The following TMPRSS3 variants were observed in gnomAD, a reference collection of about 807,000 sequenced individuals.
The protein encoded by TMPRSS3 is transmembrane serine protease 3.
TMPRSS3 carries 55 observed loss-of-function variants against 59.6 expected under a neutral mutation model. The ratio of observed to expected loss-of-function variants is 0.92; its 90% confidence interval spans 0.74 to 1.16. TMPRSS3 has a LOEUF of 1.16. Ranked by LOEUF, TMPRSS3 falls within the 50% of genes most tolerant of loss-of-function variation. The pLI, the probability that TMPRSS3 is intolerant of heterozygous loss-of-function variation, is 0.00. For missense variants in TMPRSS3, 596 were observed against 579.4 expected (o/e 1.03, Z -0.29); for synonymous variants, 257 against 237.7 (o/e 1.08, Z -0.75).
intron 7 of TMPRSS3, chr21:42,383,699 A>C (rs2052575477): frequency 1.2e-5 from 8 of 665,722 alleles, no homozygotes; most frequent in Admixed American, 8.4e-5. Context: ...CAGGGACTCA[A>C]GGCTCTTCAG....
Position 42,372,637 on chromosome 21 carries a change from T to C in TMPRSS3, c.*125A>G. 1 of 960,330 alleles carries C rather than the reference T, an allele frequency of 1.0e-6. No homozygotes were observed. Among genetic ancestry groups the C allele is most frequent in the Non-Finnish European group, 1.7e-6 (1 of 583,348 alleles). 59.5% of individuals were successfully genotyped at this position (960,330 alleles called of 1,614,324 possible). ...AGGGTGCCTCTTTCGGGCCTGCTAC[T>C]GGTGCCGGAACTCAGAGCTCCAAGG... On this transcript the variant is annotated 3_prime_UTR_variant, in exon 13 of 13. Coordinates refer to ENST00000644384, the MANE Select transcript of TMPRSS3 (RefSeq NM_001256317.3).
intron 5 of TMPRSS3, among the ~76,000 whole-genome samples, chr21:42,386,568 C>T (rs1386029521): frequency 1.3e-5 from 2 of 152,216 alleles, no homozygotes; most frequent in African/African-American, 4.8e-5. Flanking sequence ...GTAACAATGA[C>T]AGCCACAACC....
chr21:42,382,302 A>G lies in TMPRSS3; in HGVS notation c.783-68T>C, dbSNP rs149691467. 991 of 1,426,070 alleles carry G rather than the reference A, an allele frequency of 6.9e-4. 12 individuals carry two copies. In the East Asian group the frequency reaches 0.021, roughly 31 times the overall value. 88.3% of individuals were successfully genotyped at this position (1,426,070 alleles called of 1,614,324 possible). On this transcript the variant is annotated intron_variant, in intron 8 of 12. Coordinates refer to ENST00000644384, the MANE Select transcript of TMPRSS3 (RefSeq NM_001256317.3). ...ACCACTGAACTCATTGACCTCAGGT[A>G]TCCTGAAAACCTAGGAAGATGGTGG...
intron 5 of TMPRSS3, among the ~76,000 whole-genome samples, chr21:42,387,803 G>A (rs917835420): frequency 1.3e-5 from 2 of 152,230 alleles, no homozygotes; most frequent in Admixed American, 1.3e-4. Context: ...AGGGGCCAGG[G>A]GAGAGAAGGA....
rs1292132859 is a variant in TMPRSS3 at position 42,382,304 on chromosome 21, C to A, written c.783-70G>T. 35 of 1,398,584 alleles carry A rather than the reference C, an allele frequency of 2.5e-5. No homozygotes were observed. In the Admixed American group the frequency reaches 6.4e-4, roughly 26 times the overall value. 86.6% of individuals were successfully genotyped at this position (1,398,584 alleles called of 1,614,324 possible). The stretch of plus-strand genomic sequence containing the variant: ...CACTGAACTCATTGACCTCAGGTAT[C>A]CTGAAAACCTAGGAAGATGGTGGGA... On this transcript the variant is annotated intron_variant, in intron 8 of 12. Coordinates refer to ENST00000644384, the MANE Select transcript of TMPRSS3 (RefSeq NM_001256317.3).
intron 10 of TMPRSS3, among the ~76,000 whole-genome samples, chr21:42,377,429 T>C (rs2052449708): frequency 6.6e-6 from 1 of 152,152 alleles, no homozygotes; most frequent in South Asian, 2.1e-4. Flanking sequence ...AGGAGACAGA[T>C]TCCCCAAGGG....
Position 42,388,536 on chromosome 21 carries a change from G to A in TMPRSS3, c.323-10C>T. 6.2e-7 allele frequency: 1 copy of A among 1,614,194 alleles called. No individual in the cohort carries two copies. Among genetic ancestry groups the A allele is most frequent in the Non-Finnish European group, 8.5e-7 (1 of 1,180,042 alleles). On this transcript the variant is annotated splice_polypyrimidine_tract_variant and intron_variant, in intron 4 of 12. Coordinates refer to ENST00000644384, the MANE Select transcript of TMPRSS3 (RefSeq NM_001256317.3). This position sits in a 1 kb window ranked among gnomAD's most constrained non-coding sequence, Gnocchi z 5.1. ...TGACCACCCACCCGGACTGGCCGAT[G>A]TGCAGAAAGAAAGGCTTATTAGTGG...
chr21:42,374,157 T>C (rs543146568), intron 12 of TMPRSS3, among the ~76,000 whole-genome samples: 66 of 152,298 alleles, frequency 4.3e-4, no homozygotes, highest in African/African-American at 1.5e-3. Flanking sequence ...CCTGGTCCTT[T>C]CTACAGTGCG....
chr21:42,375,726 T>C lies in TMPRSS3; in HGVS notation c.1334A>G (p.Glu445Gly), dbSNP rs1425901578. ...RVTSFLDWIH[E>G]QMERDLKT ...GGGCGCCGCACCCACCTCCATCTGC[T>C]CGTGGATCCAGTCCAGGAAGGAGGT... is the stretch of plus-strand genomic sequence containing the variant. Residue 445 changes from glutamate (E) to glycine (G), a missense_variant, in exon 12 of 13, where the codon GAG becomes GGG. Transcript: ENST00000644384. The C allele has an allele frequency of 6.2e-7, 1 of 1,613,756 alleles. No individual in the cohort carries two copies. The highest frequency in any genetic ancestry group is 1.7e-5 in the Admixed American group (1 of 60,022).
intron 2 of TMPRSS3, among the ~76,000 whole-genome samples, chr21:42,392,332 A>G (rs2052744287): frequency 6.6e-6 from 1 of 152,204 alleles, no homozygotes; most frequent in South Asian, 2.1e-4. Context: ...ATGCGAGGAG[A>G]AAAGAGTGTG....
At position 42,372,430 on chromosome 21, in the gene TMPRSS3, G is replaced by T; in HGVS notation, c.*332C>A. Reference sequence around the variant, plus strand: ...CAAAAATTAGTTGGGTGTGGTGGCGGGCACCTGTGGTCCCAGCTACTGGGG... The same window carrying T: ...CAAAAATTAGTTGGGTGTGGTGGCGTGCACCTGTGGTCCCAGCTACTGGGG... On this transcript the variant is annotated 3_prime_UTR_variant, in exon 13 of 13. Transcript: ENST00000644384. 2 of 520,568 alleles carry T rather than the reference G, an allele frequency of 3.8e-6. No individual in the cohort carries two copies. Among genetic ancestry groups the T allele is most frequent in the African/African-American group, 3.8e-5 (2 of 52,634 alleles). 32.2% of individuals were successfully genotyped at this position (520,568 alleles called of 1,614,324 possible). A position where few individuals can be genotyped will look rare whatever the true frequency, so the allele number is the denominator to read the frequency against.
chr21:42,381,788 A>C (rs1314888009), intron 9 of TMPRSS3: 2 of 580,008 alleles, frequency 3.4e-6, no homozygotes, highest in Middle Eastern at 4.6e-4. Context: ...ACAGGGTAAC[A>C]TTGAAAATGT....
chr21:42,379,269 C>T (rs754249874), intron 10 of TMPRSS3, among the ~76,000 whole-genome samples: 6 of 150,734 alleles, frequency 4.0e-5, no homozygotes, highest in Non-Finnish European at 8.9e-5. Context: ...CTCAAGCAAT[C>T]CTCCTGCCTT....
In TMPRSS3 at chr21:42,388,969, T is replaced by G; in HGVS notation, c.282A>C (p.Gly94=). The G allele has an allele frequency of 6.2e-7, 1 of 1,614,166 alleles. No individual in the cohort carries two copies. Among genetic ancestry groups the G allele is most frequent in the South Asian group, 1.1e-5 (1 of 91,084 alleles). ...CCTCCCCGTCTTTGCAATCCGAGAC[T>G]CCGTCACATCGAGCTATCAGCTCGA... ...KCIELIARCD[G]VSDCKDGEDE... Residue 94 remains glycine, a synonymous_variant, in exon 4 of 13, where the codon GGA becomes GGC. Transcript: ENST00000644384. This position sits in a 1 kb window ranked among gnomAD's most constrained non-coding sequence, Gnocchi z 5.1.
Position 42,385,411 on chromosome 21 carries a change from C to A in TMPRSS3, c.570G>T (p.Val190=). 6.2e-7 allele frequency: 1 copy of A among 1,614,026 alleles called. No homozygotes were observed. Among genetic ancestry groups the A allele is most frequent in the Non-Finnish European group, 8.5e-7 (1 of 1,179,976 alleles). The change falls in exon 6 of 13, where the codon GTG becomes GTT. Residue 190 remains valine (V), a splice_region_variant and synonymous_variant. Transcript: ENST00000644384. The part of the protein sequence containing the change: ...KVTALHHSVY[V]REGCASGHVV... The stretch of plus-strand genomic sequence containing the variant: ...AACAGCATCGCCTGACCACCTACCT[C>A]ACATATACTGAGTGGTGTAATGCAG...
chr21:42,376,582 G>A lies in TMPRSS3; in HGVS notation c.1150C>T (p.Leu384Phe). 6.2e-7 allele frequency: 1 copy of A among 1,613,926 alleles called. No individual in the cohort carries two copies. Among genetic ancestry groups the A allele is most frequent in the Non-Finnish European group, 8.5e-7 (1 of 1,180,032 alleles). The change falls in exon 11 of 13, where the codon CTC (leucine) becomes TTC (phenylalanine). Residue 384 changes from leucine to phenylalanine, a missense_variant. Transcript: ENST00000644384. ...VYGGIISPSM[L>F]CAGYLTGGVD... ...CCACCCGTCAGGTAGCCCGCGCAGAGCATGGAGGGGGAGATGATGCCACCG... is the reference window on the plus strand; with the variant it reads ...CCACCCGTCAGGTAGCCCGCGCAGAACATGGAGGGGGAGATGATGCCACCG...
chr21:42,388,933 G>A lies in TMPRSS3; in HGVS notation c.318C>T (p.Arg106=). The part of the protein sequence containing the change: ...SDCKDGEDEY[R]CVRVGGQNAV... The stretch of plus-strand genomic sequence containing the variant: ...GGGGAAGAGCCATGACCTTACCACA[G>A]CGGTACTCGTCCTCCCCGTCTTTGC... Residue 106 remains arginine, a synonymous_variant, in exon 4 of 13, where the codon CGC becomes CGT. Transcript: ENST00000644384. The surrounding 1 kb of genome is among the most constrained non-coding windows in gnomAD (Gnocchi z 5.1). 1.2e-6 allele frequency: 2 copies of A among 1,613,574 alleles called. No homozygotes were observed. Among genetic ancestry groups the A allele is most frequent in the Non-Finnish European group, 1.7e-6 (2 of 1,179,516 alleles).
intron 9 of TMPRSS3, among the ~76,000 whole-genome samples, chr21:42,380,756 G>A (rs2052514562): frequency 6.6e-6 from 1 of 152,252 alleles, no homozygotes; most frequent in South Asian, 2.1e-4. Context: ...TGTGTGTAGG[G>A]CTGGATCCTG....
intron 12 of TMPRSS3, among the ~76,000 whole-genome samples, chr21:42,373,209 C>A (rs529676032): frequency 6.6e-6 from 1 of 152,218 alleles, no homozygotes; most frequent in South Asian, 2.1e-4. Context: ...AAGGCCCTCA[C>A]GTTGACTTTC....
Sources: allele counts gnomAD v4.1 joint callset (sites outside exome capture counted in the v4.1 genomes callset), GRCh38; gene constraint gnomAD v4.1.1; non-coding constraint Gnocchi (gnomAD v3.1); transcripts MANE v1.5; gene names NCBI Gene and HGNC (gene_info 2026-07-23, HGNC 2026-07-21).